The following CWF19L1 variants were observed in gnomAD, a reference collection of about 807,000 sequenced individuals.
The protein encoded by CWF19L1 is CWF19-like protein 1.
CWF19L1 carries 60 observed loss-of-function variants against 69.7 expected under a neutral mutation model. The observed-to-expected ratio is 0.86, with a 90% CI of 0.70 to 1.07. The LOEUF (loss-of-function observed/expected upper bound fraction) is 1.07, where lower values mean the gene tolerates loss of function less well. CWF19L1 is among the 50% of genes least tolerant of loss of function. CWF19L1 has a pLI of 0.00. For synonymous variants in CWF19L1, 209 were observed against 222.2 expected, an observed-to-expected ratio of 0.94 and a Z score of 0.53; for missense variants, 591 against 638.9, an observed-to-expected ratio of 0.92 and a Z score of 0.81.
At chr10:100,252,514 T>A (rs1461737337) in intron 6 of CWF19L1, among the ~76,000 whole-genome samples, 1 of 151,612 alleles carries the variant, frequency 6.6e-6, no homozygotes, top group African/African-American at 2.4e-5. Flanking sequence ...ACTCCACCTC[T>A]GAGTGCAAAA....
intron 9 of CWF19L1, among the ~76,000 whole-genome samples, chr10:100,245,413 A>T (rs1447772505): frequency 6.6e-6 from 1 of 152,212 alleles, no homozygotes; most frequent in African/African-American, 2.4e-5. Context: ...GGTAATTAGC[A>T]AAAGGAACTC....
At chr10:100,243,190 T>C (rs753990544) in intron 10 of CWF19L1, among the ~76,000 whole-genome samples, 19 of 152,212 alleles carry the variant, frequency 1.2e-4, no homozygotes, top group Non-Finnish European at 2.8e-4. Flanking sequence ...ATGGGAGCAT[T>C]ATTTCTAATA....
At chr10:100,260,915 C>A (rs1287410377) in intron 3 of CWF19L1, 51 bp downstream of exon 3, 3 of 1,121,836 alleles carry the variant, frequency 2.7e-6, no homozygotes, top group South Asian at 2.9e-5. Context: ...AGAACTCTGG[C>A]CCTTGAAATT....
intron 3 of CWF19L1, 71 bp downstream of exon 3, chr10:100,260,895 C>A (rs1276450795): frequency 2.1e-6 from 2 of 934,938 alleles, no homozygotes; most frequent in South Asian, 1.6e-5. Context: ...TAATGAAAAA[C>A]AACTCTGCAA....
rs1847419251 is a variant in CWF19L1, at chr10:100,262,039, T to C, written c.48A>G (p.Gly16=). Residue 16 remains glycine (G), a synonymous_variant, in exon 2 of 14, where the codon GGA becomes GGG. Coordinates refer to ENST00000354105, the MANE Select transcript of CWF19L1 (RefSeq NM_018294.6). ...LRLLACGDVE[G]KFDILFNRVQ... is the part of the protein sequence containing the mutation. The stretch of plus-strand genomic sequence containing the variant: ...CTCTATTGAATAAAATATCAAACTT[T>C]CCTTCAACATCTCCACAAGCCAAGC... 1.2e-6 allele frequency: 2 copies of C among 1,610,746 alleles called. No homozygotes were observed. Among genetic ancestry groups the C allele is most frequent in the Non-Finnish European group, 1.7e-6 (2 of 1,179,202 alleles).
At chr10:100,247,567 A>G (rs1846868811) in intron 7 of CWF19L1, among the ~76,000 whole-genome samples, 1 of 152,230 alleles carries the variant, frequency 6.6e-6, no homozygotes, top group Admixed American at 6.5e-5. Context: ...TAACAATTAT[A>G]TATCATTTAT....
intron 10 of CWF19L1, among the ~76,000 whole-genome samples, chr10:100,241,908 T>C (rs1172418792): frequency 6.6e-6 from 1 of 152,156 alleles, no homozygotes; most frequent in Non-Finnish European, 1.5e-5. Flanking sequence ...CTTATAAATA[T>C]TTTCCTCAGG....
chr10:100,241,586 A>G (rs1169477227), intron 10 of CWF19L1, among the ~76,000 whole-genome samples: 2 of 152,236 alleles, frequency 1.3e-5, no homozygotes, highest in African/African-American at 2.4e-5. Context: ...TTGTGTTGCT[A>G]TAATAGAATA....
intron 7 of CWF19L1, among the ~76,000 whole-genome samples, chr10:100,248,084 C>T (rs1420795322): frequency 6.6e-6 from 1 of 152,082 alleles, no homozygotes; most frequent in Non-Finnish European, 1.5e-5. Flanking sequence ...GCTAACATGT[C>T]CCTGAGAATA....
chr10:100,265,934 T>C (rs1052311449), intron 1 of CWF19L1, among the ~76,000 whole-genome samples: 22 of 152,328 alleles, frequency 1.4e-4, no homozygotes, highest in African/African-American at 5.3e-4. Flanking sequence ...CCATTTAGCC[T>C]AGGTGTACAG....
At chr10:100,267,444 C>A (rs1847638802) in intron 1 of CWF19L1, 127 bp downstream of exon 1, 2 of 1,585,360 alleles carry the variant, frequency 1.3e-6, no homozygotes, top group Admixed American at 3.6e-5. Context: ...CCTAAGCTCC[C>A]CAGCAGCCCC....
At chr10:100,252,535 A>T (rs550784639) in intron 6 of CWF19L1, among the ~76,000 whole-genome samples, 5 of 143,750 alleles carry the variant, frequency 3.5e-5, no homozygotes, top group South Asian at 2.2e-4. Context: ...GAAAAAAAAT[A>T]AAAAAAAATA....
intron 4 of CWF19L1, chr10:100,258,460 C>A (rs1007901782): frequency 2.6e-5 from 4 of 152,088 alleles, no homozygotes; most frequent in Middle Eastern, 3.2e-3. Context: ...ACAGTAATGC[C>A]CTTAATCCAA....
chr10:100,267,440 C>A, intron 1 of CWF19L1, 131 bp downstream of exon 1: 1 of 1,578,908 alleles, frequency 6.3e-7, no homozygotes. Flanking sequence ...ATCACCTAAG[C>A]TCCCCAGCAG....
chr10:100,246,674 A>C, intron 8 of CWF19L1, 121 bp downstream of exon 8: 1 of 1,033,518 alleles, frequency 9.7e-7, no homozygotes, highest in Non-Finnish European at 1.3e-6. Flanking sequence ...TCTAAACATC[A>C]TCATGATTTC....
intron 12 of CWF19L1, among the ~76,000 whole-genome samples, chr10:100,236,058 C>A (rs974350024): frequency 6.6e-6 from 1 of 150,602 alleles, no homozygotes; most frequent in Non-Finnish European, 1.5e-5. Context: ...CATCTCCAGT[C>A]TAGTCAATAC....
intron 7 of CWF19L1, among the ~76,000 whole-genome samples, 161 bp from the exon 8 acceptor site, chr10:100,247,096 C>T (rs1286659430): frequency 1.3e-5 from 2 of 152,158 alleles, no homozygotes; most frequent in Non-Finnish European, 1.5e-5. Context: ...AACAGTAAAT[C>T]AAATGCCAAT....
At chr10:100,265,444 A>C (rs1279886116) in intron 1 of CWF19L1, among the ~76,000 whole-genome samples, 1 of 151,496 alleles carries the variant, frequency 6.6e-6, no homozygotes, top group Non-Finnish European at 1.5e-5. Context: ...CAGTTCTGCA[A>C]ACTCCATTCA....
chr10:100,239,587 C>T (rs148714780), intron 10 of CWF19L1, among the ~76,000 whole-genome samples: 114 of 152,152 alleles, frequency 7.5e-4, no homozygotes, highest in African/African-American at 2.5e-3. Context: ...TACAGTGAGC[C>T]GAGATCGTGC....
Sources: allele counts gnomAD v4.1 joint callset (sites outside exome capture counted in the v4.1 genomes callset), GRCh38; gene constraint gnomAD v4.1.1; transcripts MANE v1.5; gene names NCBI Gene and HGNC (gene_info 2026-07-23, HGNC 2026-07-21).